GABPB1: variants seen among roughly 807,000 people sequenced by gnomAD.
GABPB1 encodes GA binding protein transcription factor subunit beta 1, also known as GA-binding protein subunit beta-1.
Under a neutral mutation model 45.9 loss-of-function variants are expected in GABPB1, and 15 were observed. The observed-to-expected ratio is 0.33, with a 90% CI of 0.22 to 0.50. The LOEUF (loss-of-function observed/expected upper bound fraction) is 0.50, where lower values mean the gene tolerates loss of function less well. Ranked by LOEUF, GABPB1 falls within the 20% of genes least tolerant of loss-of-function variation. The probability of loss-of-function intolerance (pLI) is 0.98; values close to 1 mark genes in which losing one functional copy is unlikely to be tolerated. For missense variants in GABPB1, 252 were observed against 457.5 expected (o/e 0.55, Z 4.10); for synonymous variants, 143 against 154.4 (o/e 0.93, Z 0.55).
intron 1 of GABPB1, among the ~76,000 whole-genome samples, chr15:50,311,377 C>A (rs867840393): frequency 6.6e-6 from 1 of 151,654 alleles, no homozygotes; most frequent in African/African-American, 2.4e-5. Context: ...AAATTTATCT[C>A]AAAAAAAGTA....
At chr15:50,279,142 TTGTGG>T (rs2045899751) in intron 8 of GABPB1, among the ~76,000 whole-genome samples, 1 of 152,206 alleles carries the variant, frequency 6.6e-6, no homozygotes, top group African/African-American at 2.4e-5. Flanking sequence ...ATATTTCCAT[TTGTGG>T]TGCTCTTACC....
At chr15:50,293,977 C>T (rs2046429834) in intron 6 of GABPB1, among the ~76,000 whole-genome samples, 1 of 151,844 alleles carries the variant, frequency 6.6e-6, no homozygotes, top group Non-Finnish European at 1.5e-5. Flanking sequence ...ATTTATATTC[C>T]AAAACATAAA....
chr15:50,353,791 T>C (rs2048958554), intron 1 of GABPB1: 1 of 152,424 alleles, frequency 6.6e-6, no homozygotes, highest in Non-Finnish European at 1.5e-5. Flanking sequence ...GATCTTTTAA[T>C]TCTGAGATGG....
intron 1 of GABPB1, among the ~76,000 whole-genome samples, chr15:50,331,150 T>C (rs1040752715): frequency 6.6e-6 from 1 of 152,178 alleles, no homozygotes; most frequent in Non-Finnish European, 1.5e-5. Flanking sequence ...ATATGCATCT[T>C]GAAAGAAGGC....
intron 1 of GABPB1, among the ~76,000 whole-genome samples, chr15:50,328,388 G>A (rs1217150945): frequency 5.9e-5 from 9 of 152,050 alleles, no homozygotes; most frequent in African/African-American, 2.2e-4. Context: ...GAAAAGAATG[G>A]TCGGTTCATC....
At chr15:50,339,324 C>CA (rs915300256) in intron 1 of GABPB1, among the ~76,000 whole-genome samples, 7 of 151,400 alleles carry the variant, frequency 4.6e-5, no homozygotes, top group African/African-American at 1.2e-4. Context: ...TCTCAAAAAA[C>CA]AAAAAAACAA....
chr15:50,323,417 T>A (rs1181043129), intron 1 of GABPB1, among the ~76,000 whole-genome samples: 1 of 152,020 alleles, frequency 6.6e-6, no homozygotes, highest in Admixed American at 6.6e-5. Flanking sequence ...CCTTTATTTA[T>A]CCCTGCCTAA....
intron 8 of GABPB1, among the ~76,000 whole-genome samples, chr15:50,281,214 AT>A (rs1291823743): frequency 9.9e-5 from 15 of 151,686 alleles, no homozygotes; most frequent in African/African-American, 1.5e-4. Flanking sequence ...TAACACTATA[AT>A]TTTTTTTTCT....
intron 1 of GABPB1, among the ~76,000 whole-genome samples, chr15:50,316,662 T>G (rs1162306556): frequency 6.6e-6 from 1 of 152,044 alleles, no homozygotes; most frequent in Non-Finnish European, 1.5e-5. Flanking sequence ...TCTACTCAAA[T>G]AAACCCATCA....
intron 6 of GABPB1, among the ~76,000 whole-genome samples, chr15:50,296,748 C>T (rs1439632011): frequency 2.0e-5 from 3 of 152,040 alleles, no homozygotes; most frequent in East Asian, 1.9e-4. Context: ...ATAAACATTT[C>T]GAGAATCAGG....
chr15:50,354,741 C>T (rs2049026982), intron 1 of GABPB1: 1 of 303,984 alleles, frequency 3.3e-6, no homozygotes, highest in Admixed American at 5.8e-5. Context: ...TGTCTGCCCG[C>T]CCCTCCCAGA....
In GABPB1 at chr15:50,354,724, G is replaced by T. The variant is rs970453915; in HGVS notation, c.-1+261C>A. On this transcript the variant is annotated intron_variant, in intron 1 of 8. Transcript: ENST00000380877. ...TAGGGCCGAGGAGGGGGCGGCGGCC[G>T]CCACCATGTCTGCCCGCCCCTCCCA... The T allele has an allele frequency of 5.4e-5, 17 of 312,790 alleles. No individual in the cohort carries two copies. In the East Asian group the frequency reaches 2.3e-3, roughly 43 times the overall value. 19.4% of individuals were successfully genotyped at this position (312,790 alleles called of 1,614,324 possible).
intron 2 of GABPB1, among the ~76,000 whole-genome samples, chr15:50,306,048 C>T (rs547935121): frequency 6.6e-6 from 1 of 152,192 alleles, no homozygotes; most frequent in African/African-American, 2.4e-5. Context: ...TATCGTAGCT[C>T]ACTGTAACCT....
At chr15:50,315,879 A>T (rs999259007) in intron 1 of GABPB1, among the ~76,000 whole-genome samples, 1 of 152,200 alleles carries the variant, frequency 6.6e-6, no homozygotes, top group Non-Finnish European at 1.5e-5. Context: ...GTTTGAGACC[A>T]GCCTAGCCAA....
chr15:50,282,560 G>GAAA lies in GABPB1; in HGVS notation c.999+3505_999+3507dup, dbSNP rs552203074. ...CAAAGTGAGACCCTGCCTTAAAAAA[G>GAAA]AAAAAAAAAAAAAAACAGAGACGGA... is the stretch of plus-strand genomic sequence containing the variant. On this transcript the variant is annotated intron_variant, in intron 8 of 8. Coordinates refer to ENST00000380877, the MANE Select transcript of GABPB1 (RefSeq NM_016654.5). Among the ~76,000 whole-genome samples the GAAA allele has an allele frequency of 8.1e-4, 72 of 89,022 alleles. 8 individuals carry two copies. Among genetic ancestry groups the GAAA allele is most frequent in the Admixed American group, 4.0e-3 (28 of 7,024 alleles). The allele number at this position is 89,022 out of a possible 152,430, so 58.4% of individuals were successfully genotyped here. A position where few individuals can be genotyped will look rare whatever the true frequency, so the allele number is the denominator to read the frequency against.
At chr15:50,324,748 T>C (rs1441656952) in intron 1 of GABPB1, among the ~76,000 whole-genome samples, 1 of 152,060 alleles carries the variant, frequency 6.6e-6, no homozygotes, top group Non-Finnish European at 1.5e-5. Context: ...GGTTTCACCA[T>C]GTTGGCTAGA....
chr15:50,288,416 G>A lies in GABPB1; in HGVS notation c.883+1067C>T, dbSNP rs138007505. 3.8e-3 allele frequency among the ~76,000 whole-genome samples: 582 copies of A among 152,264 alleles called. 3 individuals are homozygous for A. Among genetic ancestry groups the A allele is most frequent in the African/African-American group, 0.013 (559 of 41,544 alleles). ...TTCTTTTAGGGGGAGACAAGGTACA[G>A]GGCAATGCTTACTTAGGCACTTTCT... is the stretch of plus-strand genomic sequence containing the variant. On this transcript the variant is annotated intron_variant, in intron 7 of 8. Transcript: ENST00000380877.
At chr15:50,314,191 A>ATTTTT (rs34621347) in intron 1 of GABPB1, among the ~76,000 whole-genome samples, 3 of 148,870 alleles carry the variant, frequency 2.0e-5, no homozygotes, top group Non-Finnish European at 4.5e-5. Context: ...TTATTTATTT[A>ATTTTT]TTTATTTTTT....
chr15:50,281,033 GA>G (rs1395077081), intron 8 of GABPB1, among the ~76,000 whole-genome samples: 2 of 152,164 alleles, frequency 1.3e-5, no homozygotes, highest in Non-Finnish European at 2.9e-5. Context: ...TTAACTTCAA[GA>G]AGTACAATTT....
Sources: allele counts gnomAD v4.1 joint callset (sites outside exome capture counted in the v4.1 genomes callset), GRCh38; gene constraint gnomAD v4.1.1; transcripts MANE v1.5; gene names NCBI Gene and HGNC (gene_info 2026-07-23, HGNC 2026-07-21).